Variants in EBF3 observed in about 807,000 individuals in gnomAD.
EBF3 encodes EBF transcription factor 3, also known as transcription factor COE3.
In EBF3, 18 loss-of-function variants were observed where a neutral mutation model predicts 77.1. That is an observed-to-expected ratio of 0.23 (90% CI 0.16 to 0.35). EBF3 has a LOEUF of 0.35. Among genes scored for constraint, EBF3 ranks in the 10% least tolerant of loss-of-function variants. The pLI, the probability that EBF3 is intolerant of heterozygous loss-of-function variation, is 1.00. For synonymous variants in EBF3, 350 were observed against 343.5 expected (o/e 1.02, Z -0.21); for missense variants, 558 against 860.0 (o/e 0.65, Z 4.39).
rs1852344441 is a variant in EBF3 at position 129,870,672 on chromosome 10, G to T, written c.782-2760C>A. 6.6e-6 allele frequency among the ~76,000 whole-genome samples: 1 copy of T among 152,152 alleles called. No individual in the cohort carries two copies. Among genetic ancestry groups the T allele is most frequent in the Admixed American group, 6.5e-5 (1 of 15,276 alleles). On this transcript the variant is annotated intron_variant, in intron 8 of 16. Transcript: ENST00000440978. This position sits in a 1 kb window ranked among gnomAD's most constrained non-coding sequence, Gnocchi z 4.4. ...CGTGACCCCCGCCGGCTCTCCCCAG[G>T]GCCTGCGGGGACTGGCTTATCCTGT... is the stretch of plus-strand genomic sequence containing the variant.
intron 6 of EBF3, among the ~76,000 whole-genome samples, chr10:129,939,259 C>T (rs916697215): frequency 3.3e-5 from 5 of 152,158 alleles, no homozygotes; most frequent in Non-Finnish European, 5.9e-5. Context: ...CTCCTTCCTG[C>T]CCTCCACCCT....
At chr10:129,899,102 T>C (rs1208275072) in intron 6 of EBF3, among the ~76,000 whole-genome samples, 1 of 152,278 alleles carries the variant, frequency 6.6e-6, no homozygotes, top group Non-Finnish European at 1.5e-5. Flanking sequence ...GAATCGGAGC[T>C]GCTTATCAGC....
chr10:129,927,651 T>A (rs982333473), intron 6 of EBF3, among the ~76,000 whole-genome samples: 3 of 152,164 alleles, frequency 2.0e-5, no homozygotes, highest in Admixed American at 2.0e-4. Context: ...AATGTGAGGA[T>A]CTTGCATTTC....
chr10:129,911,786 C>G (rs1276279111), intron 6 of EBF3, among the ~76,000 whole-genome samples: 3 of 152,222 alleles, frequency 2.0e-5, no homozygotes, highest in African/African-American at 7.2e-5. Flanking sequence ...CTACTCCAAG[C>G]TGGGAAGCCC....
chr10:129,901,830 C>T (rs547310480), intron 6 of EBF3, among the ~76,000 whole-genome samples: 12 of 152,344 alleles, frequency 7.9e-5, no homozygotes, highest in Admixed American at 4.6e-4. Flanking sequence ...AGGGCTGCAA[C>T]GCACAGTTGG....
chr10:129,867,344 T>C, intron 9 of EBF3, 77 bp from the exon 10 acceptor site: 4 of 1,584,628 alleles, frequency 2.5e-6, no homozygotes, highest in Non-Finnish European at 3.4e-6. Context: ...TGGATATAAT[T>C]ACCAAAATGA....
rs140537604 is a variant in EBF3, at chr10:129,945,684, G to A, written c.554+11574C>T. Among the ~76,000 whole-genome samples the A allele has an allele frequency of 1.3e-3, 205 of 152,160 alleles. 1 individual carries two copies. The highest frequency in any genetic ancestry group is 4.8e-3 in the African/African-American group (200 of 41,498). ...CCAATCTGCGATCAATTCATCATCC[G>A]ACACCATTGTACATTCTTCACAAAA... On this transcript the variant is annotated intron_variant, in intron 6 of 16. Coordinates refer to ENST00000440978, the MANE Select transcript of EBF3 (RefSeq NM_001375380.1).
chr10:129,941,624 G>A (rs752019124), intron 6 of EBF3, among the ~76,000 whole-genome samples: 7 of 152,250 alleles, frequency 4.6e-5, no homozygotes, highest in Non-Finnish European at 8.8e-5. Flanking sequence ...GGCGGTGGAG[G>A]TGAGCAGGCA....
At chr10:129,871,320 T>C (rs1405878078) in intron 8 of EBF3, among the ~76,000 whole-genome samples, 3 of 152,222 alleles carry the variant, frequency 2.0e-5, no homozygotes, top group Non-Finnish European at 4.4e-5. Context: ...CTCACTTGTG[T>C]TCAATACTGT....
intron 6 of EBF3, among the ~76,000 whole-genome samples, chr10:129,924,226 C>T (rs1428070195): frequency 4.6e-5 from 7 of 152,080 alleles, no homozygotes; most frequent in Non-Finnish European, 7.4e-5. Flanking sequence ...AACAGCCTGG[C>T]CAACATGGTG....
chr10:129,922,824 G>C (rs1204487299), intron 6 of EBF3, among the ~76,000 whole-genome samples: 1 of 152,216 alleles, frequency 6.6e-6, no homozygotes, highest in Non-Finnish European at 1.5e-5. Context: ...CAGCCAGGGG[G>C]CTGAAGAAAG....
chr10:129,901,259 G>A (rs1382756540), intron 6 of EBF3, among the ~76,000 whole-genome samples: 3 of 152,246 alleles, frequency 2.0e-5, no homozygotes, highest in East Asian at 1.9e-4. Flanking sequence ...TAATTATGAC[G>A]CCTAAACTTA....
At chr10:129,950,370 T>A (rs1589943058) in intron 6 of EBF3, among the ~76,000 whole-genome samples, 1 of 152,194 alleles carries the variant, frequency 6.6e-6, no homozygotes, top group East Asian at 1.9e-4. Flanking sequence ...AGCGAAGGAA[T>A]TGGAGAGGGA....
At chr10:129,892,967 G>A (rs1020859075) in intron 6 of EBF3, among the ~76,000 whole-genome samples, 7 of 152,212 alleles carry the variant, frequency 4.6e-5, no homozygotes, top group African/African-American at 7.2e-5. Context: ...ATGAAGTCAC[G>A]GGCTAATCTG....
intron 6 of EBF3, among the ~76,000 whole-genome samples, chr10:129,939,672 C>T (rs1382309638): frequency 6.6e-6 from 1 of 152,240 alleles, no homozygotes; most frequent in Non-Finnish European, 1.5e-5. Context: ...GCTATGCAGA[C>T]TTCGTCAGAC....
At position 129,958,992 on chromosome 10, in the gene EBF3, C is replaced by A; in HGVS notation, c.427G>T (p.Gly143Cys). 2 of 1,599,620 alleles carry A rather than the reference C, an allele frequency of 1.3e-6. No individual in the cohort carries two copies. Among genetic ancestry groups the A allele is most frequent in the Non-Finnish European group, 8.5e-7 (1 of 1,174,388 alleles). The change falls in exon 5 of 17, where the codon GGC becomes TGC. Residue 143 changes from glycine (G) to cysteine (C), a missense_variant. Gly to Cys is a radical substitution (Grantham distance 159, BLOSUM62 -3). Transcript: ENST00000440978. ...SMTKQAIVYEGQDKNPEMCRV... is the reference protein window; with the variant it reads ...SMTKQAIVYECQDKNPEMCRV... ...CACATCTCCGGGTTCTTGTCCTGGC[C>A]CTCGTAGACGATGGCCTGCGCGAGG...
Position 129,963,828 on chromosome 10 carries a change from T to C in EBF3, c.-60A>G, listed in dbSNP as rs1012016352. The stretch of plus-strand genomic sequence containing the variant: ...AAAGCGTTTCCTCGAGCAGCGGCGC[T>C]CGGGGCTTGGCGGCAGGCGGCTGCC... On this transcript the variant is annotated 5_prime_UTR_variant, in exon 1 of 17. Transcript: ENST00000440978. This position sits in a 1 kb window ranked among gnomAD's most constrained non-coding sequence, Gnocchi z 7.1. 7 of 1,465,400 alleles carry C rather than the reference T, an allele frequency of 4.8e-6. No individual in the cohort carries two copies. The highest frequency in any genetic ancestry group is 6.4e-6 in the Non-Finnish European group (7 of 1,096,260). The allele number at this position is 1,465,400 out of a possible 1,614,324, so 90.8% of individuals were successfully genotyped here.
intron 6 of EBF3, among the ~76,000 whole-genome samples, chr10:129,922,772 G>A (rs1406347655): frequency 3.9e-5 from 6 of 152,216 alleles, no homozygotes; most frequent in Non-Finnish European, 5.9e-5. Context: ...GGGGGCTGAC[G>A]GGACCACCCA....
chr10:129,891,670 C>T (rs571506315), intron 6 of EBF3, among the ~76,000 whole-genome samples: 10 of 152,268 alleles, frequency 6.6e-5, no homozygotes, highest in Admixed American at 6.5e-4. Flanking sequence ...CCCAGCAGGC[C>T]GCGCCATCCT....
Sources: allele counts gnomAD v4.1 joint callset (sites outside exome capture counted in the v4.1 genomes callset), GRCh38; gene constraint gnomAD v4.1.1; non-coding constraint Gnocchi (gnomAD v3.1); transcripts MANE v1.5; gene names NCBI Gene and HGNC (gene_info 2026-07-23, HGNC 2026-07-21).